Variants in THAP4 observed in about 807,000 individuals in gnomAD.
The protein encoded by THAP4 is THAP domain containing 4, also known as peroxynitrite isomerase THAP4.
Under a neutral mutation model 48.1 loss-of-function variants are expected in THAP4, and 18 were observed. The ratio of observed to expected loss-of-function variants is 0.37; its 90% CI spans 0.26 to 0.56. THAP4 has a LOEUF of 0.56. THAP4 is among the 20% of genes least tolerant of loss of function. The pLI is 0.78. For missense variants in THAP4, 656 were observed against 774.9 expected, an observed-to-expected ratio of 0.85 and a Z score of 1.82; for synonymous variants, 345 against 324.9, an observed-to-expected ratio of 1.06 and a Z score of -0.66.
chr2:241,633,942 T>C lies in THAP4; in HGVS notation c.215A>G (p.Gln72Arg), dbSNP rs920634758. The C allele has an allele frequency of 8.1e-6, 13 of 1,614,060 alleles. No individual in the cohort carries two copies. The highest frequency in any genetic ancestry group is 1.1e-5 in the Non-Finnish European group (13 of 1,180,044). ...KDSFSKRLED[Q>R]HRLLKPTAVP... ...GGCCGTGGGCTTCAGCAGGCGATGC[T>C]GGTCCTCCAGCCTCTTGGAGAAGCT... The change falls in exon 2 of 6, where the codon CAG (glutamine) becomes CGG (arginine). Residue 72 changes from glutamine (Q) to arginine (R), a missense_variant. This residue lies in a region of THAP4 where 30 missense variants were observed against 60.1 expected (regional missense o/e 0.50). Coordinates refer to ENST00000407315, the MANE Select transcript of THAP4 (RefSeq NM_015963.6). The surrounding 1 kb of genome is among the most constrained non-coding windows in gnomAD (Gnocchi z 7.5).
At chr2:241,627,096 C>A (rs1477719617) in intron 2 of THAP4, among the ~76,000 whole-genome samples, 2 of 152,200 alleles carry the variant, frequency 1.3e-5, no homozygotes, top group Non-Finnish European at 2.9e-5. Context: ...CCTTCACCCT[C>A]TCACCCCCTG....
chr2:241,593,663 G>GT (rs2067015291), intron 5 of THAP4, among the ~76,000 whole-genome samples: 1 of 152,210 alleles, frequency 6.6e-6, no homozygotes, highest in African/African-American at 2.4e-5. Flanking sequence ...GCTTGAAAAT[G>GT]TGTTTCAGAG....
intron 3 of THAP4, among the ~76,000 whole-genome samples, chr2:241,604,170 T>C (rs2067151771): frequency 6.6e-6 from 1 of 152,166 alleles, no homozygotes; most frequent in African/African-American, 2.4e-5. Context: ...GCTTCCTGGG[T>C]TGAAATGATT....
In THAP4 at chr2:241,610,999, A is replaced by C. The variant is rs573281505; in HGVS notation, c.1241-4526T>G. Among the ~76,000 whole-genome samples the C allele has an allele frequency of 6.6e-6, 1 of 152,334 alleles. No individual in the cohort carries two copies. Among genetic ancestry groups the C allele is most frequent in the Admixed American group, 6.5e-5 (1 of 15,306 alleles). ...AACAATATTATCACCTTCCCTCCCAAGAATTAAAAAAAACAAAAATAACGA... is the reference window on the plus strand; with the variant it reads ...AACAATATTATCACCTTCCCTCCCACGAATTAAAAAAAACAAAAATAACGA... On this transcript the variant is annotated intron_variant, in intron 2 of 5. Transcript: ENST00000407315. The surrounding 1 kb of genome is among the most constrained non-coding windows in gnomAD (Gnocchi z 4.2).
intron 1 of THAP4, among the ~76,000 whole-genome samples, chr2:241,636,694 C>T (rs896365103): frequency 1.3e-5 from 2 of 152,148 alleles, no homozygotes; most frequent in South Asian, 2.1e-4. Flanking sequence ...GAAGCCTAGG[C>T]GCCGGCCGGA....
chr2:241,618,276 G>C (rs969765718), intron 2 of THAP4, among the ~76,000 whole-genome samples: 1 of 152,196 alleles, frequency 6.6e-6, no homozygotes, highest in Non-Finnish European at 1.5e-5. Context: ...TCATGATGGA[G>C]AGAAAATACA....
At chr2:241,607,416 C>T (rs1373115844) in intron 2 of THAP4, among the ~76,000 whole-genome samples, 1 of 151,774 alleles carries the variant, frequency 6.6e-6, no homozygotes, top group Non-Finnish European at 1.5e-5. Flanking sequence ...TGTGCGGGGA[C>T]CACAGGAAAG....
chr2:241,599,517 C>T (rs1213956816), intron 5 of THAP4, among the ~76,000 whole-genome samples: 1 of 152,126 alleles, frequency 6.6e-6, no homozygotes, highest in Non-Finnish European at 1.5e-5. Context: ...AATCTATTTA[C>T]AAGCAACAAA....
chr2:241,624,509 A>T (rs2125093962), intron 2 of THAP4, among the ~76,000 whole-genome samples: 1 of 152,064 alleles, frequency 6.6e-6, no homozygotes, highest in East Asian at 1.9e-4. Flanking sequence ...AGATACAAAT[A>T]AACAGTCAGA....
upstream of THAP4, chr2:241,637,165 G>A (rs2067685692): frequency 1.0e-6 from 1 of 987,600 alleles, no homozygotes; most frequent in Non-Finnish European, 1.2e-6. Context: ...AGATGGAGGC[G>A]CAGGCGCCCG....
Position 241,589,681 on chromosome 2 carries a change from T to C in THAP4, c.1615-4956A>G, listed in dbSNP as rs142863336. Among the ~76,000 whole-genome samples the C allele has an allele frequency of 1.3e-3, 179 of 141,066 alleles. 2 individuals are homozygous for C. Among genetic ancestry groups the C allele is most frequent in the African/African-American group, 4.7e-3 (172 of 36,774 alleles). The allele number at this position is 141,066 out of a possible 152,430, so 92.5% of individuals were successfully genotyped here. A position where few individuals can be genotyped will look rare whatever the true frequency, so the allele number is the denominator to read the frequency against. ...AGAACCCAGCAGTTCCAATCCCAGGTATGCACCCAAGAGGAAAAAAAACAT... is the reference window on the plus strand; with the variant it reads ...AGAACCCAGCAGTTCCAATCCCAGGCATGCACCCAAGAGGAAAAAAAACAT... On this transcript the variant is annotated intron_variant, in intron 5 of 5. Coordinates refer to ENST00000407315, the MANE Select transcript of THAP4 (RefSeq NM_015963.6).
intron 5 of THAP4, among the ~76,000 whole-genome samples, chr2:241,586,812 G>A (rs971676396): frequency 2.6e-5 from 4 of 152,172 alleles, no homozygotes; most frequent in Non-Finnish European, 4.4e-5. Flanking sequence ...GAAGCTTAGA[G>A]AATAATGGAA....
intron 5 of THAP4, among the ~76,000 whole-genome samples, chr2:241,590,800 G>C (rs2066963392): frequency 2.0e-5 from 3 of 151,864 alleles, no homozygotes; most frequent in Non-Finnish European, 4.4e-5. Flanking sequence ...GAGCTGCTCG[G>C]CTGATGATAA....
intron 5 of THAP4, chr2:241,584,972 A>T: frequency 4.0e-6 from 2 of 500,678 alleles, no homozygotes; most frequent in South Asian, 4.2e-5. Flanking sequence ...TTTTTTGTCG[A>T]CGGCCATACC....
At chr2:241,586,578 C>A (rs2066899269) in intron 5 of THAP4, among the ~76,000 whole-genome samples, 1 of 152,136 alleles carries the variant, frequency 6.6e-6, no homozygotes, top group Non-Finnish European at 1.5e-5. Flanking sequence ...AAATAGACAC[C>A]TCCCCCACCC....
chr2:241,589,148 G>A (rs549478403), intron 5 of THAP4, among the ~76,000 whole-genome samples: 1 of 151,634 alleles, frequency 6.6e-6, no homozygotes, highest in South Asian at 2.1e-4. Context: ...GGGAGGTAGA[G>A]GTTGCAGTGA....
intron 2 of THAP4, among the ~76,000 whole-genome samples, chr2:241,609,728 A>G (rs1470226723): frequency 6.6e-6 from 1 of 151,976 alleles, no homozygotes; most frequent in African/African-American, 2.4e-5. Context: ...CGGAGGTTGC[A>G]GTGAGCCGAG....
intron 5 of THAP4, 94 bp from the exon 6 acceptor site, chr2:241,584,819 G>A (rs1393108826): frequency 1.5e-5 from 22 of 1,510,980 alleles, no homozygotes; most frequent in Admixed American, 1.4e-4. Flanking sequence ...CACTCATCAC[G>A]GGCTGTGAGC....
chr2:241,635,215 G>A (rs1209180951), intron 1 of THAP4, among the ~76,000 whole-genome samples: 3 of 152,114 alleles, frequency 2.0e-5, no homozygotes, highest in Non-Finnish European at 4.4e-5. Flanking sequence ...GGTCCAGGAG[G>A]CTGAGGCTGC....
Sources: allele counts gnomAD v4.1 joint callset (sites outside exome capture counted in the v4.1 genomes callset), GRCh38; gene constraint gnomAD v4.1.1; regional missense constraint gnomAD v4.1.1; non-coding constraint Gnocchi (gnomAD v3.1); transcripts MANE v1.5; gene names NCBI Gene and HGNC (gene_info 2026-07-23, HGNC 2026-07-21).